Variants in CPM observed in about 807,000 individuals in gnomAD.
CPM encodes the protein carboxypeptidase M.
In CPM, 35 loss-of-function variants were observed where a neutral mutation model predicts 46.4. That is an observed-to-expected ratio of 0.75 (90% CI 0.58 to 1.00). The LOEUF (loss-of-function observed/expected upper bound fraction) is 1.00, where lower values mean the gene tolerates loss of function less well. CPM is among the 50% of genes least tolerant of loss of function. The pLI is 0.00. For missense variants in CPM, 422 were observed against 530.4 expected (o/e 0.80, Z 2.01); for synonymous variants, 195 against 195.3 (o/e 1.00, Z 0.01).
intron 2 of CPM, among the ~76,000 whole-genome samples, chr12:68,896,204 C>T (rs998694252): frequency 1.3e-5 from 2 of 152,166 alleles, no homozygotes; most frequent in Admixed American, 1.3e-4. Flanking sequence ...AGCGGCCAAC[C>T]TCCCCTTGCC....
chr12:68,847,479 AGTCCC>A (rs1353822043), downstream of CPM: 1 of 43,958 alleles, frequency 2.3e-5, no homozygotes, highest in Non-Finnish European at 4.0e-5. Context: ...TTTGAGACGG[AGTCCC>A]GCTGTTTAGC....
intron 3 of CPM, among the ~76,000 whole-genome samples, chr12:68,872,299 C>T (rs981061486): frequency 1.5e-5 from 2 of 136,878 alleles, no homozygotes; most frequent in Admixed American, 1.7e-4. Context: ...GTCACCCAGG[C>T]TGGAGTGCAT....
At chr12:68,918,598 A>G (rs1028330764) in intron 2 of CPM, among the ~76,000 whole-genome samples, 1 of 151,702 alleles carries the variant, frequency 6.6e-6, no homozygotes, top group African/African-American at 2.4e-5. Flanking sequence ...TTCCTCCTCC[A>G]ATCCAATCCA....
upstream of CPM, among the ~76,000 whole-genome samples, chr12:68,934,260 A>G (rs1244964422): frequency 6.6e-6 from 1 of 152,184 alleles, no homozygotes; most frequent in Non-Finnish European, 1.5e-5. Flanking sequence ...TTTACAGACT[A>G]AAAATACGGA....
At position 68,956,729 on chromosome 12, in the gene CPM, G is replaced by A. The variant is rs571932842; in HGVS notation, c.-4+6440C>T. Among the ~76,000 whole-genome samples, 49 of 152,330 alleles carry A rather than the reference G, an allele frequency of 3.2e-4. No homozygotes were observed. In the South Asian group the frequency reaches 9.7e-3, roughly 30 times the overall value. On this transcript the variant is annotated intron_variant, in intron 1 of 8. Coordinates refer to the CPM transcript ENST00000546373. ...TTAGAACCTTCCTTCCCACTCTTCC[G>A]TGTTTTTTCAGAGCACCAAATCACA...
intron 2 of CPM, among the ~76,000 whole-genome samples, chr12:68,908,222 C>T (rs1038966002): frequency 6.6e-6 from 1 of 152,136 alleles, no homozygotes. Flanking sequence ...AGAATCCCTT[C>T]TCTGATTCAT....
intron 2 of CPM, among the ~76,000 whole-genome samples, chr12:68,929,637 G>A (rs981415635): frequency 1.3e-5 from 2 of 152,038 alleles, no homozygotes; most frequent in Middle Eastern, 3.2e-3. Flanking sequence ...AAATAAAAAC[G>A]TTTTTAAAAA....
rs114902042 is a variant in CPM, at chr12:68,924,950, T to C, written c.160+7728A>G. Among the ~76,000 whole-genome samples, 1,238 of 152,318 alleles carry C rather than the reference T, an allele frequency of 8.1e-3. 17 individuals are homozygous for C. Among genetic ancestry groups the C allele is most frequent in the African/African-American group, 0.028 (1,161 of 41,578 alleles). ...TCTTAACCAATGTTAGGGAGATTTC[T>C]GAACATCTGAAATGGTATAGGACTC... On this transcript the variant is annotated intron_variant, in intron 2 of 8. Coordinates refer to ENST00000551568, the MANE Select transcript of CPM (RefSeq NM_198320.5).
intron 2 of CPM, among the ~76,000 whole-genome samples, chr12:68,900,816 A>G (rs1144958): frequency 0.23 from 34,964 of 152,166 alleles, 7,211 homozygotes; most frequent in African/African-American, 0.56. Context: ...TGACATTTTG[A>G]AACAGGCGAA....
chr12:68,880,289 C>T lies in CPM; in HGVS notation c.258+5503G>A, dbSNP rs532272401. ...ATGAGAAAGAACCCCAGAAATGTTT[C>T]TCCCATGCTGCTCCAAAAAATGAAT... On this transcript the variant is annotated intron_variant, in intron 3 of 8. Transcript: ENST00000551568. 3.1e-4 allele frequency among the ~76,000 whole-genome samples: 47 copies of T among 152,252 alleles called. No homozygotes were observed. The South Asian group carries it at 9.3e-3, about 30-fold the overall frequency.
chr12:68,905,028 C>T (rs539126220), intron 2 of CPM, among the ~76,000 whole-genome samples: 2 of 152,098 alleles, frequency 1.3e-5, no homozygotes, highest in Admixed American at 1.3e-4. Flanking sequence ...CCTGCCTCAG[C>T]CTCCCGAGTA....
At chr12:68,871,696 C>G (rs1045062441) in intron 4 of CPM, 88 bp downstream of exon 4, 1 of 1,398,466 alleles carries the variant, frequency 7.2e-7, no homozygotes. Context: ...CACCATGACA[C>G]ATCTCCTCTT....
intron 8 of CPM, among the ~76,000 whole-genome samples, chr12:68,858,636 T>C (rs576472598): frequency 6.6e-6 from 1 of 152,126 alleles, no homozygotes; most frequent in Non-Finnish European, 1.5e-5. Flanking sequence ...TTATTATTAA[T>C]CGGGTTACAT....
chr12:68,901,691 G>C (rs1465615952), intron 2 of CPM, among the ~76,000 whole-genome samples: 1 of 152,224 alleles, frequency 6.6e-6, no homozygotes, highest in South Asian at 2.1e-4. Flanking sequence ...AGTAAAGTTT[G>C]AGTGTTGGGC....
Position 68,854,079 on chromosome 12 carries a change from T to C in CPM, c.*2358A>G, listed in dbSNP as rs1488848951. The C allele has an allele frequency of 6.6e-6, 1 of 152,202 alleles. No homozygotes were observed. The highest frequency in any genetic ancestry group is 1.9e-4 in the East Asian group (1 of 5,204). 9.4% of individuals were successfully genotyped at this position (152,202 alleles called of 1,614,324 possible). A position where few individuals can be genotyped will look rare whatever the true frequency, so the allele number is the denominator to read the frequency against. On this transcript the variant is annotated 3_prime_UTR_variant, in exon 9 of 9. Transcript: ENST00000551568. ...CTGTTAGGAGGTAACATAATACCTT[T>C]ACTACCAATCTTAGGATCAATTCAA...
chr12:68,907,349 A>G (rs560673724), intron 2 of CPM, among the ~76,000 whole-genome samples: 1 of 152,276 alleles, frequency 6.6e-6, no homozygotes, highest in African/African-American at 2.4e-5. Context: ...CCAAATCCCA[A>G]TGCCACCACT....
intron 1 of CPM, among the ~76,000 whole-genome samples, chr12:68,960,052 A>G (rs1229878726): frequency 6.6e-6 from 1 of 152,232 alleles, no homozygotes; most frequent in Admixed American, 6.5e-5. Flanking sequence ...ATTTCCATGA[A>G]CGGCCTTTTT....
chr12:68,943,350 G>A (rs865793705), intron 1 of CPM, among the ~76,000 whole-genome samples: 1 of 152,082 alleles, frequency 6.6e-6, no homozygotes, highest in Non-Finnish European at 1.5e-5. Context: ...ACAGTGTCTG[G>A]CCTGTTATAA....
At chr12:68,953,038 T>C (rs1302318034) in intron 1 of CPM, among the ~76,000 whole-genome samples, 1 of 152,194 alleles carries the variant, frequency 6.6e-6, no homozygotes, top group East Asian at 1.9e-4. Context: ...AATCACTGTT[T>C]CCCAAGAAGG....
Sources: gnomAD v4.1 joint callset for allele counts (sites outside exome capture counted in the v4.1 genomes callset) on GRCh38, gnomAD v4.1.1 for gene constraint, MANE v1.5 for transcripts, NCBI Gene and HGNC (gene_info 2026-07-23, HGNC 2026-07-21) for gene names.